Variants in PACSIN1 observed in about 807,000 individuals in gnomAD.
PACSIN1 encodes protein kinase C and casein kinase substrate in neurons protein 1.
Under a neutral mutation model 59.5 loss-of-function variants are expected in PACSIN1, and 15 were observed. The ratio of observed to expected loss-of-function variants is 0.25; its 90% CI spans 0.17 to 0.39. The LOEUF is 0.39. Among genes scored for constraint, PACSIN1 ranks in the 10% least tolerant of loss-of-function variants. The pLI is 1.00. For missense variants in PACSIN1, 420 were observed against 580.2 expected, an observed-to-expected ratio of 0.72 and a Z score of 2.84; for synonymous variants, 210 against 220.6, an observed-to-expected ratio of 0.95 and a Z score of 0.42.
In PACSIN1 at chr6:34,478,152, C is replaced by T. The variant is rs148365228; in HGVS notation, c.-64+11882C>T. The stretch of plus-strand genomic sequence containing the variant: ...TCGGCTTACTGCAACCTCCGGCTCC[C>T]GGGTTCCAGCGATTCTCCTGCCTCA... On this transcript the variant is annotated intron_variant, in intron 1 of 9. Transcript: ENST00000244458. Among the ~76,000 whole-genome samples, 317 of 149,244 alleles carry T rather than the reference C, an allele frequency of 2.1e-3. 1 individual carries two copies. Among genetic ancestry groups the T allele is most frequent in the African/African-American group, 7.2e-3 (293 of 40,476 alleles).
chr6:34,534,848 G>A lies in PACSIN1; in HGVS notation c.*2318G>A, dbSNP rs542242212. The A allele has an allele frequency of 6.5e-6, 1 of 152,908 alleles. No individual in the cohort carries two copies. Among genetic ancestry groups the A allele is most frequent in the Non-Finnish European group, 1.5e-5 (1 of 68,130 alleles). 9.5% of individuals were successfully genotyped at this position (152,908 alleles called of 1,614,324 possible). ...CCCTACCTGCCAGTGCTGGTGTCAG[G>A]GCACTCAACACCGAGTGTGGGGGCC... is the stretch of plus-strand genomic sequence containing the variant. On this transcript the variant is annotated 3_prime_UTR_variant, in exon 10 of 10. Coordinates refer to ENST00000244458, the MANE Select transcript of PACSIN1 (RefSeq NM_020804.5).
At chr6:34,499,503 A>G (rs1408543795) in intron 1 of PACSIN1, among the ~76,000 whole-genome samples, 3 of 152,016 alleles carry the variant, frequency 2.0e-5, no homozygotes, top group African/African-American at 7.3e-5. Context: ...GGAAGAATAT[A>G]TAGGGACAGG....
chr6:34,519,715 G>T (rs1767355313), intron 1 of PACSIN1, among the ~76,000 whole-genome samples: 1 of 152,100 alleles, frequency 6.6e-6, no homozygotes, highest in South Asian at 2.1e-4. Flanking sequence ...CTATCATGGG[G>T]GTAGGTGCTA....
chr6:34,504,288 ATAT>A (rs138885096), intron 1 of PACSIN1, among the ~76,000 whole-genome samples: 15,703 of 99,672 alleles, frequency 0.16, 1,278 homozygotes, highest in Middle Eastern at 0.28. Flanking sequence ...ATATATATAT[ATAT>A]TTTTTTTTTT....
At position 34,508,515 on chromosome 6, in the gene PACSIN1, C is replaced by T. The variant is rs112225529; in HGVS notation, c.-63-17728C>T. 4.1e-4 allele frequency among the ~76,000 whole-genome samples: 62 copies of T among 152,298 alleles called. 1 individual carries two copies. Among genetic ancestry groups the T allele is most frequent in the Middle Eastern group, 3.4e-3 (1 of 294 alleles). On this transcript the variant is annotated intron_variant, in intron 1 of 9. Transcript: ENST00000244458. ...CTCCTGAGCTCAAGCAATCCTCTTGCCTCTGCCATCCAAAGTGCTGGGATT... is the reference window on the plus strand; with the variant it reads ...CTCCTGAGCTCAAGCAATCCTCTTGTCTCTGCCATCCAAAGTGCTGGGATT...
At chr6:34,482,773 C>A (rs1471113711) in intron 1 of PACSIN1, among the ~76,000 whole-genome samples, 1 of 151,310 alleles carries the variant, frequency 6.6e-6, no homozygotes, top group Non-Finnish European at 1.5e-5. Context: ...TTCCCCACCT[C>A]CCGGGTTCAA....
rs760753589 is a variant in PACSIN1 at position 34,530,450 on chromosome 6, GC to G, written c.910-6del. ...GTCCCCCAGCCTGACTGCTCCACTGGCCCCACCAGGAGTGGAACCCAGACCT... is the reference window on the plus strand; with the variant it reads ...GTCCCCCAGCCTGACTGCTCCACTGGCCCACCAGGAGTGGAACCCAGACCT... On this transcript the variant is annotated splice_polypyrimidine_tract_variant and intron_variant, in intron 7 of 9. Coordinates refer to ENST00000244458, the MANE Select transcript of PACSIN1 (RefSeq NM_020804.5). The surrounding 1 kb of genome is among the most constrained non-coding windows in gnomAD (Gnocchi z 4.4). 1.9e-6 allele frequency: 3 copies of G among 1,597,376 alleles called. No individual in the cohort carries two copies. In the East Asian group the frequency reaches 6.7e-5, roughly 36 times the overall value.
chr6:34,511,613 ACCC>A (rs1767204532), intron 1 of PACSIN1, among the ~76,000 whole-genome samples: 6 of 151,774 alleles, frequency 4.0e-5, no homozygotes, highest in Non-Finnish European at 5.9e-5. Context: ...CCTCCCAAGT[ACCC>A]ACCCCACATG....
chr6:34,526,234 C>A lies in PACSIN1; in HGVS notation c.-63-9C>A. ...CTCATCTCCAGGGATCTCTCTCCTG[C>A]CCTCCCAGTGCATGAGCAGCCGAGC... On this transcript the variant is annotated splice_polypyrimidine_tract_variant and intron_variant, in intron 1 of 9. Transcript: ENST00000244458. The A allele has an allele frequency of 7.8e-7, 1 of 1,287,542 alleles. No individual in the cohort carries two copies. Among genetic ancestry groups the A allele is most frequent in the Non-Finnish European group, 1.1e-6 (1 of 893,554 alleles). The allele number at this position is 1,287,542 out of a possible 1,614,324, so 79.8% of individuals were successfully genotyped here.
Position 34,532,366 on chromosome 6 carries a change from C to G in PACSIN1, c.1226-55C>G. 3.3e-6 allele frequency: 4 copies of G among 1,198,926 alleles called. No individual in the cohort carries two copies. The South Asian group carries it at 5.2e-5, about 16-fold the overall frequency. 74.3% of individuals were successfully genotyped at this position (1,198,926 alleles called of 1,614,324 possible). A position where few individuals can be genotyped will look rare whatever the true frequency, so the allele number is the denominator to read the frequency against. ...TGGAGGGTTCCCCTAGCAGCCGGTGCGTTGAGGGAGGGGCAGCCTTCTCTC... is the reference window on the plus strand; with the variant it reads ...TGGAGGGTTCCCCTAGCAGCCGGTGGGTTGAGGGAGGGGCAGCCTTCTCTC... On this transcript the variant is annotated intron_variant, in intron 9 of 9. Transcript: ENST00000244458. This position sits in a 1 kb window ranked among gnomAD's most constrained non-coding sequence, Gnocchi z 5.2.
chr6:34,527,076 A>G (rs1044365085), intron 2 of PACSIN1, among the ~76,000 whole-genome samples: 1 of 152,106 alleles, frequency 6.6e-6, no homozygotes, highest in African/African-American at 2.4e-5. Context: ...GGCAGCAAGG[A>G]AATCATGTTT....
At chr6:34,496,667 TG>T (rs1766951836) in intron 1 of PACSIN1, among the ~76,000 whole-genome samples, 1 of 152,224 alleles carries the variant, frequency 6.6e-6, no homozygotes, top group Non-Finnish European at 1.5e-5. Context: ...CTCCCTTCTC[TG>T]GTCATCTTTC....
chr6:34,473,456 G>A (rs1243920342), intron 1 of PACSIN1, among the ~76,000 whole-genome samples: 1 of 152,128 alleles, frequency 6.6e-6, no homozygotes, highest in Non-Finnish European at 1.5e-5. Flanking sequence ...GCTTCTCCTT[G>A]CAGGGCCTGG....
chr6:34,497,516 C>T lies in PACSIN1; in HGVS notation c.-63-28727C>T, dbSNP rs1378341771. Among the ~76,000 whole-genome samples the T allele has an allele frequency of 1.1e-4, 16 of 152,276 alleles. No homozygotes were observed. In the South Asian group the frequency reaches 2.9e-3, roughly 28 times the overall value. On this transcript the variant is annotated intron_variant, in intron 1 of 9. Transcript: ENST00000244458. ...GGGAAGCTTCTCCAACGAGGCTCCT[C>T]GCAGGCTCACCTTGAGCTCTTCCTC...
At chr6:34,496,563 G>A (rs946489467) in intron 1 of PACSIN1, among the ~76,000 whole-genome samples, 1 of 152,262 alleles carries the variant, frequency 6.6e-6, no homozygotes, top group Non-Finnish European at 1.5e-5. Context: ...TTGCTGACTC[G>A]TGGGAAGACT....
chr6:34,487,582 T>C (rs1766813447), intron 1 of PACSIN1, among the ~76,000 whole-genome samples: 1 of 152,202 alleles, frequency 6.6e-6, no homozygotes, highest in African/African-American at 2.4e-5. Flanking sequence ...GATGGAGGAC[T>C]GGACTGAAGG....
chr6:34,490,070 C>G, intron 1 of PACSIN1, among the ~76,000 whole-genome samples: 1 of 144,538 alleles, frequency 6.9e-6, no homozygotes, highest in Admixed American at 6.9e-5. Context: ...GATGTTCTCT[C>G]TTGTTTTTTT....
intron 1 of PACSIN1, among the ~76,000 whole-genome samples, chr6:34,512,845 A>G (rs1260952731): frequency 6.6e-6 from 1 of 152,226 alleles, no homozygotes. Flanking sequence ...GAGGCACTGG[A>G]AAAGGCTTGG....
rs1162335964 is a variant in PACSIN1, at chr6:34,516,099, G to A, written c.-63-10144G>A. ...GGTTGATGTGTGCAACTATGGGCGT[G>A]CTTAAGGTCCTGCCCTTCTCCACCT... On this transcript the variant is annotated intron_variant, in intron 1 of 9. Transcript: ENST00000244458. This position sits in a 1 kb window ranked among gnomAD's most constrained non-coding sequence, Gnocchi z 5.4. 6.6e-6 allele frequency among the ~76,000 whole-genome samples: 1 copy of A among 152,160 alleles called. No individual in the cohort carries two copies. The highest frequency in any genetic ancestry group is 1.5e-5 in the Non-Finnish European group (1 of 68,006).
Sources: allele counts gnomAD v4.1 joint callset (sites outside exome capture counted in the v4.1 genomes callset), GRCh38; gene constraint gnomAD v4.1.1; non-coding constraint Gnocchi (gnomAD v3.1); transcripts MANE v1.5; gene names NCBI Gene and HGNC (gene_info 2026-07-23, HGNC 2026-07-21).